Variants in PAG1 observed in about 807,000 individuals in gnomAD.
The protein encoded by PAG1 is phosphoprotein membrane anchor with glycosphingolipid microdomains 1.
In PAG1, 23 loss-of-function variants were observed where a neutral mutation model predicts 31.7. The ratio of observed to expected loss-of-function variants is 0.73; its 90% CI spans 0.52 to 1.03. The LOEUF is 1.03. PAG1 is among the 50% of genes least tolerant of loss of function. PAG1 has a pLI of 0.00. For missense variants in PAG1, 473 were observed against 540.7 expected (o/e 0.87, Z 1.24); for synonymous variants, 214 against 210.3 (o/e 1.02, Z -0.15).
intron 3 of PAG1, among the ~76,000 whole-genome samples, chr8:81,013,239 C>T (rs1446843946): frequency 1.3e-5 from 2 of 152,176 alleles, no homozygotes; most frequent in African/African-American, 4.8e-5. Flanking sequence ...CCTGATTTTG[C>T]TGCATATTAT....
intron 3 of PAG1, among the ~76,000 whole-genome samples, chr8:81,005,166 C>T (rs992930315): frequency 1.3e-5 from 2 of 148,568 alleles, no homozygotes; most frequent in African/African-American, 2.6e-5. Flanking sequence ...GACGCAGGGG[C>T]CTTGTGCATC....
At chr8:81,052,129 CA>C (rs769477091) in intron 2 of PAG1, among the ~76,000 whole-genome samples, 7,105 of 74,088 alleles carry the variant, frequency 0.096, 226 homozygotes, top group Non-Finnish European at 0.13. Flanking sequence ...GACTCCATCT[CA>C]AAAAAAAAAA....
intron 2 of PAG1, among the ~76,000 whole-genome samples, chr8:81,068,899 C>A (rs1190907276): frequency 1.3e-5 from 2 of 152,152 alleles, no homozygotes; most frequent in East Asian, 3.8e-4. Context: ...TACCCCCAAC[C>A]GGAAAATGCT....
rs138578462 is a variant in PAG1 at position 81,079,799 on chromosome 8, C to T, written c.-233-9629G>A. On this transcript the variant is annotated intron_variant, in intron 1 of 8. Coordinates refer to ENST00000220597, the MANE Select transcript of PAG1 (RefSeq NM_018440.4). ...TATTTATTTTTTTGAGACAGGGTCT[C>T]GCTCTGTTGCTCAGGCTGGAGTACA... is the stretch of plus-strand genomic sequence containing the variant. Among the ~76,000 whole-genome samples the T allele has an allele frequency of 1.8e-3, 279 of 152,072 alleles. 2 individuals are homozygous for T. The highest frequency in any genetic ancestry group is 3.4e-3 in the Middle Eastern group (1 of 294).
intron 3 of PAG1, among the ~76,000 whole-genome samples, chr8:81,004,409 T>G (rs912837150): frequency 6.6e-6 from 1 of 152,198 alleles, no homozygotes; most frequent in African/African-American, 2.4e-5. Flanking sequence ...ATACCTCGCA[T>G]GATATTTTCT....
At chr8:81,021,560 G>A (rs1172758900) in intron 3 of PAG1, among the ~76,000 whole-genome samples, 1 of 149,556 alleles carries the variant, frequency 6.7e-6, no homozygotes, top group African/African-American at 2.5e-5. Flanking sequence ...TTGTGTGTGT[G>A]TGTGATAGAG....
intron 2 of PAG1, among the ~76,000 whole-genome samples, chr8:81,053,953 C>T (rs1047614710): frequency 1.3e-5 from 2 of 152,162 alleles, no homozygotes; most frequent in Non-Finnish European, 2.9e-5. Flanking sequence ...TCTCTCACAT[C>T]TACTCACCTC....
chr8:81,037,954 T>C (rs1471180094), intron 2 of PAG1, among the ~76,000 whole-genome samples: 1 of 152,238 alleles, frequency 6.6e-6, no homozygotes, highest in East Asian at 1.9e-4. Context: ...CTAATGCACA[T>C]GCCCTATCCT....
At chr8:81,085,196 T>C (rs1185518565) in intron 1 of PAG1, among the ~76,000 whole-genome samples, 1 of 152,186 alleles carries the variant, frequency 6.6e-6, no homozygotes, top group East Asian at 1.9e-4. Context: ...AGACTCTAAA[T>C]TCATCACATT....
Position 80,984,941 on chromosome 8 carries a change from A to T in PAG1, c.711T>A (p.Arg237=). The change falls in exon 7 of 9, where the codon CGT becomes CGA. Residue 237 remains arginine (R), a synonymous_variant. Coordinates refer to ENST00000220597, the MANE Select transcript of PAG1 (RefSeq NM_018440.4). The part of the protein sequence containing the change: ...YASVDRNKKC[R]QSVNVESILG... Reference sequence around the variant, plus strand: ...GGATACTCTCTACATTAACACTTTGACGACATTTTTTGTTTCTGTCCACCG... The same window carrying T: ...GGATACTCTCTACATTAACACTTTGTCGACATTTTTTGTTTCTGTCCACCG... The T allele has an allele frequency of 6.2e-7, 1 of 1,614,088 alleles. No homozygotes were observed. The highest frequency in any genetic ancestry group is 1.1e-5 in the South Asian group (1 of 91,074).
intron 1 of PAG1, among the ~76,000 whole-genome samples, chr8:81,085,849 T>C (rs568875545): frequency 6.6e-6 from 1 of 152,206 alleles, no homozygotes; most frequent in Non-Finnish European, 1.5e-5. Context: ...TGTCAGTATT[T>C]GAAGTCTTTG....
intron 2 of PAG1, among the ~76,000 whole-genome samples, chr8:81,034,545 T>G (rs890917320): frequency 6.6e-6 from 1 of 152,220 alleles, no homozygotes; most frequent in African/African-American, 2.4e-5. Context: ...CTACCTATGC[T>G]GAATTCCCTG....
intron 3 of PAG1, among the ~76,000 whole-genome samples, chr8:81,003,844 G>A (rs1157498549): frequency 2.0e-5 from 3 of 152,170 alleles, no homozygotes; most frequent in African/African-American, 7.2e-5. Flanking sequence ...TCAACTCCCA[G>A]AAAGCACAGT....
intron 3 of PAG1, among the ~76,000 whole-genome samples, chr8:80,996,593 CGGCTCCTCCCCTGTGCATGGGGAT>C (rs1475103106): frequency 6.6e-6 from 1 of 152,088 alleles, no homozygotes; most frequent in South Asian, 2.1e-4. Flanking sequence ...GTCGGTGGAC[CGGCTCCTCCCCTGTGCATGGGGAT>C]GGCCCCTCCC....
At chr8:81,104,683 G>GAGTC (rs1809664008) in intron 1 of PAG1, among the ~76,000 whole-genome samples, 1 of 152,016 alleles carries the variant, frequency 6.6e-6, no homozygotes, top group Non-Finnish European at 1.5e-5. Context: ...AGACACCTGG[G>GAGTC]AGTCATCCTT....
intron 3 of PAG1, among the ~76,000 whole-genome samples, chr8:81,002,748 C>CAAAAT (rs1025935020): frequency 7.9e-5 from 12 of 152,216 alleles, no homozygotes; most frequent in African/African-American, 2.9e-4. Context: ...AATAGCCAGG[C>CAAAAT]AAAATATTTC....
intron 2 of PAG1, among the ~76,000 whole-genome samples, chr8:81,053,270 G>A (rs1257095177): frequency 1.3e-5 from 2 of 152,216 alleles, no homozygotes; most frequent in Non-Finnish European, 2.9e-5. Context: ...AAACATTAAT[G>A]ACGAATAACT....
intron 3 of PAG1, among the ~76,000 whole-genome samples, chr8:80,998,773 T>C (rs1417533531): frequency 6.6e-6 from 1 of 152,208 alleles, no homozygotes; most frequent in African/African-American, 2.4e-5. Context: ...TTAGAGTTCT[T>C]TTGAAGCAGG....
intron 3 of PAG1, among the ~76,000 whole-genome samples, chr8:81,015,050 T>C (rs73277999): frequency 1.3e-5 from 2 of 152,208 alleles, no homozygotes; most frequent in African/African-American, 2.4e-5. Context: ...CTACACATTC[T>C]TGAATACCCT....
Sources: allele counts gnomAD v4.1 joint callset (sites outside exome capture counted in the v4.1 genomes callset), GRCh38; gene constraint gnomAD v4.1.1; transcripts MANE v1.5; gene names NCBI Gene and HGNC (gene_info 2026-07-23, HGNC 2026-07-21).